Variants in ANKRD12 observed in about 807,000 individuals in gnomAD.
ANKRD12 encodes the protein ankyrin repeat domain 12, also known as ankyrin repeat domain-containing protein 12.
Under a neutral mutation model 183.4 loss-of-function variants are expected in ANKRD12, and 85 were observed. That is an observed-to-expected ratio of 0.46 (90% CI 0.39 to 0.56). The LOEUF is 0.56. Among genes scored for constraint, ANKRD12 ranks in the 20% least tolerant of loss-of-function variants. ANKRD12 has a pLI of 0.00. For missense variants in ANKRD12, 2,405 were observed against 2,357.1 expected (o/e 1.02, Z -0.42); for synonymous variants, 914 against 800.2 (o/e 1.14, Z -2.40).
chr18:9,261,692 T>G (rs1307328760), intron 9 of ANKRD12, among the ~76,000 whole-genome samples: 5 of 152,200 alleles, frequency 3.3e-5, no homozygotes, highest in Admixed American at 1.3e-4. Context: ...CCTAGAGTTG[T>G]CTGCAGATAC....
At chr18:9,235,542 G>T (rs1026982983) in intron 8 of ANKRD12, 1 of 403,298 alleles carries the variant, frequency 2.5e-6, no homozygotes, top group Non-Finnish European at 5.1e-6. Context: ...AAGAGAAAAA[G>T]AATATACTAT....
chr18:9,176,226 G>T (rs1003662665), intron 1 of ANKRD12, among the ~76,000 whole-genome samples: 1 of 152,052 alleles, frequency 6.6e-6, no homozygotes, highest in Non-Finnish European at 1.5e-5. Flanking sequence ...GAAAATTTTA[G>T]TTTTGGTTAT....
chr18:9,246,357 A>G (rs2037961646), intron 8 of ANKRD12, among the ~76,000 whole-genome samples: 2 of 152,166 alleles, frequency 1.3e-5, no homozygotes, highest in African/African-American at 4.8e-5. Context: ...TCCACCAAAC[A>G]CTAATACATG....
intron 9 of ANKRD12, 44 bp downstream of exon 9, chr18:9,258,975 A>AT (rs2145237580): frequency 3.3e-6 from 5 of 1,533,164 alleles, no homozygotes; most frequent in Non-Finnish European, 4.4e-6. Context: ...ACACTGCCCA[A>AT]TAGAAGTATA....
At position 9,256,305 on chromosome 18, in the gene ANKRD12, A is replaced by G; in HGVS notation, c.3038A>G (p.Asp1013Gly). 1 of 1,598,588 alleles carries G rather than the reference A, an allele frequency of 6.3e-7. No individual in the cohort carries two copies. Residue 1013 changes from aspartate (D) to glycine (G), a missense_variant, in exon 9 of 13, where the codon GAT becomes GGT. Transcript: ENST00000262126. ...AAAGATGAACCTTTGAAAACTCCAG[A>G]TGGAAAAGAAAAAGATAAAAAAGAT... ...KTKDEPLKTP[D>G]GKEKDKKDKD...
chr18:9,259,416 T>G (rs913435340), intron 9 of ANKRD12: 1 of 152,886 alleles, frequency 6.5e-6, no homozygotes, highest in South Asian at 2.0e-4. Context: ...ATAGACACAT[T>G]TATGTGTTTA....
chr18:9,182,377 T>C lies in ANKRD12; in HGVS notation c.-51-5T>C. ...AAATAACCCTTATATATCTATTCTT[T>C]ACAGATCCAGGATGAGAAGACTGAT... On this transcript the variant is annotated splice_region_variant and splice_polypyrimidine_tract_variant and intron_variant, in intron 1 of 12. Coordinates refer to ENST00000262126, the MANE Select transcript of ANKRD12 (RefSeq NM_015208.5). The C allele has an allele frequency of 8.3e-7, 1 of 1,207,064 alleles. No individual in the cohort carries two copies. The highest frequency in any genetic ancestry group is 1.2e-6 in the Non-Finnish European group (1 of 835,470). 74.8% of individuals were successfully genotyped at this position (1,207,064 alleles called of 1,614,324 possible). A position where few individuals can be genotyped will look rare whatever the true frequency, so the allele number is the denominator to read the frequency against.
chr18:9,207,164 C>T (rs1188217455), intron 4 of ANKRD12, among the ~76,000 whole-genome samples: 5 of 151,760 alleles, frequency 3.3e-5, no homozygotes, highest in African/African-American at 1.2e-4. Flanking sequence ...AGAAAAAATC[C>T]ATATATGCTT....
At chr18:9,233,180 T>C (rs2037153473) in intron 8 of ANKRD12, among the ~76,000 whole-genome samples, 1 of 151,926 alleles carries the variant, frequency 6.6e-6, no homozygotes, top group African/African-American at 2.4e-5. Context: ...CTGAGATTGT[T>C]TCTTCTGCTT....
intron 8 of ANKRD12, chr18:9,239,664 C>T (rs2037545644): frequency 2.6e-6 from 1 of 380,896 alleles, no homozygotes; most frequent in Non-Finnish European, 4.8e-6. Flanking sequence ...CTGTACCAAA[C>T]TTCATCCAAT....
chr18:9,194,220 T>A (rs2144381922), intron 2 of ANKRD12, among the ~76,000 whole-genome samples: 1 of 152,304 alleles, frequency 6.6e-6, no homozygotes, highest in Non-Finnish European at 1.5e-5. Flanking sequence ...GAGATTCTGA[T>A]TCAGTAGGTC....
chr18:9,233,673 C>G (rs1386876816), intron 8 of ANKRD12, among the ~76,000 whole-genome samples: 3 of 152,162 alleles, frequency 2.0e-5, no homozygotes, highest in Non-Finnish European at 4.4e-5. Context: ...TGTATGATTT[C>G]TTTGGCTATA....
chr18:9,170,312 C>G (rs1021630273), intron 1 of ANKRD12, among the ~76,000 whole-genome samples: 10 of 152,198 alleles, frequency 6.6e-5, no homozygotes. Flanking sequence ...GAGTGTTTTC[C>G]AACTTGGTTC....
At chr18:9,176,371 A>G (rs796815300) in intron 1 of ANKRD12, among the ~76,000 whole-genome samples, 5 of 151,984 alleles carry the variant, frequency 3.3e-5, no homozygotes, top group African/African-American at 1.2e-4. Flanking sequence ...CCTTACTGCA[A>G]CCTCTGCTTC....
At chr18:9,246,212 A>G (rs1244820347) in intron 8 of ANKRD12, among the ~76,000 whole-genome samples, 1 of 152,218 alleles carries the variant, frequency 6.6e-6, no homozygotes, top group East Asian at 1.9e-4. Context: ...CAAATGCAAC[A>G]AAGTTGATAT....
At chr18:9,141,123 T>A (rs1475637604) in intron 1 of ANKRD12, among the ~76,000 whole-genome samples, 2 of 152,016 alleles carry the variant, frequency 1.3e-5, no homozygotes, top group Non-Finnish European at 2.9e-5. Context: ...TATTCTACCT[T>A]CTGGGTGGTC....
chr18:9,165,671 A>G (rs369006538), intron 1 of ANKRD12, among the ~76,000 whole-genome samples: 2 of 152,102 alleles, frequency 1.3e-5, no homozygotes, highest in African/African-American at 2.4e-5. Context: ...CATGCTGTAC[A>G]TGACATGTGT....
At chr18:9,209,582 A>G (rs895384153) in intron 5 of ANKRD12, among the ~76,000 whole-genome samples, 3 of 152,278 alleles carry the variant, frequency 2.0e-5, no homozygotes, top group Admixed American at 6.5e-5. Context: ...TATAATTTCA[A>G]AGCATGAGCG....
At chr18:9,189,423 T>A (rs1222418574) in intron 2 of ANKRD12, among the ~76,000 whole-genome samples, 2 of 152,258 alleles carry the variant, frequency 1.3e-5, no homozygotes, top group East Asian at 3.8e-4. Context: ...GATCTAGCTA[T>A]GATCTTTGAT....
Sources: gnomAD v4.1 joint callset for allele counts (sites outside exome capture counted in the v4.1 genomes callset) on GRCh38, gnomAD v4.1.1 for gene constraint, MANE v1.5 for transcripts, NCBI Gene and HGNC (gene_info 2026-07-23, HGNC 2026-07-21) for gene names.